TMEM175: variants seen among roughly 807,000 people sequenced by gnomAD.
TMEM175 encodes endosomal/lysosomal proton channel TMEM175.
In TMEM175, 36 loss-of-function variants were observed where a neutral mutation model predicts 36.5. The observed-to-expected ratio is 0.99, with a 90% CI of 0.76 to 1.30. TMEM175 has a LOEUF of 1.30. TMEM175 is among the 50% of genes most tolerant of loss of function. TMEM175 has a pLI of 0.00. For synonymous variants in TMEM175, 339 were observed against 313.4 expected, an observed-to-expected ratio of 1.08 and a Z score of -0.86; for missense variants, 705 against 692.8, an observed-to-expected ratio of 1.02 and a Z score of -0.20.
intron 1 of TMEM175, among the ~76,000 whole-genome samples, chr4:944,025 G>T (rs1727834413): frequency 1.3e-5 from 2 of 152,226 alleles, no homozygotes. Flanking sequence ...GGGTGCAGTG[G>T]CTCACGCATG....
intron 6 of TMEM175, chr4:951,931 C>T (rs767820137): frequency 3.3e-5 from 20 of 608,486 alleles, no homozygotes; most frequent in African/African-American, 1.9e-4. Flanking sequence ...AGGGAGTCAC[C>T]GGCGCTCCCA....
Position 953,248 on chromosome 4 carries a change from G to A in TMEM175, c.521G>A (p.Arg174His), listed in dbSNP as rs778488006. ...FPHLLSPQIQ[R>H]SAHRALYRRH... ...CACCTGCTGAGCCCGCAGATCCAGC[G>A]CTCTGCCCACAGGGCTCTGTACCGA... The change falls in exon 8 of 11, where the codon CGC becomes CAC. Residue 174 changes from arginine to histidine, a missense_variant. Coordinates refer to ENST00000264771, the MANE Select transcript of TMEM175 (RefSeq NM_032326.4). 15 of 1,613,856 alleles carry A rather than the reference G, an allele frequency of 9.3e-6. No individual in the cohort carries two copies. Among genetic ancestry groups the A allele is most frequent in the Middle Eastern group, 1.7e-4 (1 of 6,054 alleles).
intron 7 of TMEM175, among the ~76,000 whole-genome samples, 169 bp from the exon 8 acceptor site, chr4:953,021 G>T (rs1161386691): frequency 2.0e-5 from 3 of 151,778 alleles, no homozygotes; most frequent in African/African-American, 7.3e-5. Context: ...CTACTCGCCA[G>T]GTCCTCCCCC....
At position 949,568 on chromosome 4, in the gene TMEM175, C is replaced by T. The variant is rs978524818; in HGVS notation, c.193-853C>T. Among the ~76,000 whole-genome samples, 6 of 152,338 alleles carry T rather than the reference C, an allele frequency of 3.9e-5. No homozygotes were observed. In the East Asian group the frequency reaches 7.7e-4, roughly 20 times the overall value. On this transcript the variant is annotated intron_variant, in intron 3 of 10. Coordinates refer to ENST00000264771, the MANE Select transcript of TMEM175 (RefSeq NM_032326.4). Reference sequence around the variant, plus strand: ...CTTTGAAAACCCATGATTCGAAAAGCTAAATGGGACTCAATTAAGAAGTGA... The same window carrying T: ...CTTTGAAAACCCATGATTCGAAAAGTTAAATGGGACTCAATTAAGAAGTGA...
chr4:947,165 A>G (rs1305182043), intron 1 of TMEM175, among the ~76,000 whole-genome samples: 2 of 107,682 alleles, frequency 1.9e-5, no homozygotes, highest in African/African-American at 3.6e-5. Context: ...CCCCAGGCAT[A>G]CGTGCACAGG....
At chr4:956,423 A>C (rs1577452050) in intron 10 of TMEM175, 2 of 1,280,744 alleles carry the variant, frequency 1.6e-6, no homozygotes, top group Non-Finnish European at 2.0e-6. Flanking sequence ...CTCAGTCGTC[A>C]CGTTTTTGGT....
At chr4:956,444 T>G (rs1018407531) in intron 10 of TMEM175, 58 of 343,108 alleles carry the variant, frequency 1.7e-4, no homozygotes, top group South Asian at 5.0e-4. Context: ...TTTTGTGGGG[T>G]TTTTTTTTTT....
chr4:942,631 ATT>A (rs1367523773), intron 1 of TMEM175, among the ~76,000 whole-genome samples: 1 of 142,580 alleles, frequency 7.0e-6, no homozygotes, highest in African/African-American at 2.6e-5. Context: ...GGTTCCTTGA[ATT>A]TTCTTTTTTT....
intron 1 of TMEM175, among the ~76,000 whole-genome samples, chr4:936,144 G>A (rs1726749152): frequency 6.6e-6 from 1 of 152,042 alleles, no homozygotes; most frequent in African/African-American, 2.4e-5. Flanking sequence ...AGACCACCCT[G>A]GCCAACATGG....
chr4:950,178 T>C (rs1271421139), intron 3 of TMEM175, among the ~76,000 whole-genome samples: 1 of 143,166 alleles, frequency 7.0e-6, no homozygotes, highest in Non-Finnish European at 1.5e-5. Flanking sequence ...GGGTGGGGGC[T>C]GGAGGGGTGG....
In TMEM175 at chr4:950,528, C is replaced by CG. The variant is rs1560488562; in HGVS notation, c.290+13dup. 1.2e-6 allele frequency: 2 copies of CG among 1,610,128 alleles called. No individual in the cohort carries two copies. Among genetic ancestry groups the CG allele is most frequent in the African/African-American group, 1.3e-5 (1 of 74,842 alleles). On this transcript the variant is annotated intron_variant, in intron 4 of 10. Coordinates refer to ENST00000264771, the MANE Select transcript of TMEM175 (RefSeq NM_032326.4). ...GGGCAGCACACACAAGGTGGGGGCCCGGGCGCTTCCAGCGGTCCATAGCTG... is the reference window on the plus strand; with the variant it reads ...GGGCAGCACACACAAGGTGGGGGCCCGGGGCGCTTCCAGCGGTCCATAGCTG...
chr4:947,710 C>T lies in TMEM175; in HGVS notation c.-30C>T. On this transcript the variant is annotated splice_region_variant and 5_prime_UTR_variant, in exon 2 of 11. Transcript: ENST00000264771. ...ACTCAGACCTGCCTTTCCTCCCAGG[C>T]TCCTGTAACCGCCAGGCAGCGGCCC... 6.3e-7 allele frequency: 1 copy of T among 1,576,700 alleles called. No individual in the cohort carries two copies. The highest frequency in any genetic ancestry group is 8.6e-7 in the Non-Finnish European group (1 of 1,160,480).
In TMEM175 at chr4:958,205, G is replaced by T; in HGVS notation, c.1224G>T (p.Ser408=). ...LLHQAETLQP[S]VWFGGREHVL... ...ACCAGGCGGAGACGCTGCAGCCCTC[G>T]GTGTGGTTTGGCGGCCGGGAGCATG... The change falls in exon 11 of 11, where the codon TCG becomes TCT. Residue 408 remains serine, a synonymous_variant. Transcript: ENST00000264771. The T allele has an allele frequency of 1.9e-6, 3 of 1,601,968 alleles. No homozygotes were observed. The African/African-American group carries it at 4.0e-5, about 21-fold the overall frequency.
At chr4:950,764 C>CAATAGGTGGA (rs1560489045) in intron 4 of TMEM175, among the ~76,000 whole-genome samples, 2 of 62,146 alleles carry the variant, frequency 3.2e-5, no homozygotes, top group Non-Finnish European at 6.3e-5. Flanking sequence ...GAGGTGTGGA[C>CAATAGGTGGA]GGTGTGGATG....
At chr4:939,442 G>A (rs1398610603) in intron 1 of TMEM175, among the ~76,000 whole-genome samples, 3 of 151,590 alleles carry the variant, frequency 2.0e-5, no homozygotes, top group Non-Finnish European at 3.0e-5. Context: ...TTAGCTGAGC[G>A]CAATGGCTCA....
chr4:948,073 GTC>G (rs1560484753), intron 2 of TMEM175, 41 bp from the exon 3 acceptor site: 2 of 1,614,050 alleles, frequency 1.2e-6, no homozygotes, highest in Admixed American at 3.3e-5. Flanking sequence ...TCCAACAAGC[GTC>G]TCTTGCTCTC....
In TMEM175 at chr4:955,872, T is replaced by C; in HGVS notation, c.824T>C (p.Leu275Pro). 6.2e-7 allele frequency: 1 copy of C among 1,613,808 alleles called. No individual in the cohort carries two copies. ...SDGVYAIVATLLILDICEDNV... is the reference protein window; with the variant it reads ...SDGVYAIVATPLILDICEDNV... ...GGAGTCTACGCCATCGTGGCCACGC[T>C]TCTCATCCTGGACATCTGGTGAGGA... The change falls in exon 10 of 11, where the codon CTT becomes CCT. Residue 275 changes from leucine (L) to proline (P), a missense_variant. Physicochemically the swap from Leu to Pro is moderately conservative, Grantham distance 98 (BLOSUM62 -3). Transcript: ENST00000264771.
At chr4:951,829 T>G in intron 6 of TMEM175, 112 bp downstream of exon 6, 1 of 1,196,022 alleles carries the variant, frequency 8.4e-7, no homozygotes, top group Admixed American at 1.8e-5. Flanking sequence ...CACACGGTTG[T>G]AGAGAAGAGA....
chr4:954,283 A>G (rs1000128699), intron 8 of TMEM175, among the ~76,000 whole-genome samples: 20 of 152,226 alleles, frequency 1.3e-4, no homozygotes, highest in African/African-American at 4.8e-4. Context: ...CACTGCGTCC[A>G]GCCTATTTTC....
Sources: gnomAD v4.1 joint callset for allele counts (sites outside exome capture counted in the v4.1 genomes callset) on GRCh38, gnomAD v4.1.1 for gene constraint, MANE v1.5 for transcripts, NCBI Gene and HGNC (gene_info 2026-07-23, HGNC 2026-07-21) for gene names.